The following CARF variants were observed in gnomAD, a reference collection of about 807,000 sequenced individuals.
CARF encodes the protein calcium-responsive transcription factor.
A neutral mutation model predicts 82.0 loss-of-function variants in CARF; 57 were observed. The observed-to-expected ratio is 0.70, with a 90% confidence interval of 0.56 to 0.87. The LOEUF (loss-of-function observed/expected upper bound fraction) is 0.87. Among genes scored for constraint, CARF ranks in the 40% least tolerant of loss-of-function variants. CARF has a pLI of 0.00. For synonymous variants in CARF, 268 were observed against 290.1 expected, an observed-to-expected ratio of 0.92 and a Z score of 0.77; for missense variants, 771 against 855.8, an observed-to-expected ratio of 0.90 and a Z score of 1.24.
intron 7 of CARF, among the ~76,000 whole-genome samples, chr2:202,955,125 T>G (rs778557286): frequency 2.6e-5 from 4 of 152,228 alleles, no homozygotes; most frequent in Non-Finnish European, 5.9e-5. Flanking sequence ...TTGCTAACTT[T>G]TATTTCAGTT....
At chr2:202,966,216 C>T (rs1036921649) in intron 9 of CARF, among the ~76,000 whole-genome samples, 2 of 151,998 alleles carry the variant, frequency 1.3e-5, no homozygotes, top group Non-Finnish European at 2.9e-5. Flanking sequence ...TAAGTCTAGC[C>T]CATATTCAAG....
At chr2:202,944,410 T>C (rs1177995155) in intron 5 of CARF, among the ~76,000 whole-genome samples, 1 of 152,188 alleles carries the variant, frequency 6.6e-6, no homozygotes, top group Non-Finnish European at 1.5e-5. Flanking sequence ...GCATAATAAC[T>C]TTAATTATAA....
chr2:202,947,489 A>T (rs912359944), intron 5 of CARF, among the ~76,000 whole-genome samples: 2 of 151,980 alleles, frequency 1.3e-5, no homozygotes, highest in East Asian at 3.9e-4. Flanking sequence ...GGGTAGGGGG[A>T]AAGAGGATGG....
In CARF at chr2:202,915,514, G is replaced by A. The variant is rs557148856; in HGVS notation, c.-329-2363G>A. ...GAGATGGAGTCTGGCTCTGTCACCA[G>A]GCTGGAGTGCAGTGGTGCAATCTTG... On this transcript the variant is annotated intron_variant, in intron 1 of 16. Transcript: ENST00000438828. Among the ~76,000 whole-genome samples, 7 of 152,182 alleles carry A rather than the reference G, an allele frequency of 4.6e-5. No individual in the cohort carries two copies. The East Asian group carries it at 7.8e-4, about 17-fold the overall frequency.
chr2:202,943,467 G>C (rs1013754040), intron 5 of CARF, among the ~76,000 whole-genome samples: 1 of 152,104 alleles, frequency 6.6e-6, no homozygotes, highest in Non-Finnish European at 1.5e-5. Flanking sequence ...ACTTTAAACA[G>C]TACTTATGAG....
At chr2:202,974,270 CTT>C (rs1185423454) in intron 12 of CARF, 62 bp from the exon 13 acceptor site, 19 of 1,186,698 alleles carry the variant, frequency 1.6e-5, no homozygotes, top group Non-Finnish European at 2.2e-5. Context: ...ACCTTTCTGT[CTT>C]TTGATCTAAA....
chr2:202,966,805 T>C (rs1031037612), intron 9 of CARF, among the ~76,000 whole-genome samples, 173 bp from the exon 10 acceptor site: 1 of 152,224 alleles, frequency 6.6e-6, no homozygotes, highest in African/African-American at 2.4e-5. Context: ...AATTTTAAAA[T>C]AAACTTTTAA....
chr2:202,969,803 C>G (rs1574751315), intron 10 of CARF, 116 bp from the exon 11 acceptor site: 1 of 596,054 alleles, frequency 1.7e-6, no homozygotes, highest in East Asian at 3.5e-5. Context: ...GAATACTTTA[C>G]AGATAAATTG....
At chr2:202,919,785 T>C (rs886595367) in intron 2 of CARF, among the ~76,000 whole-genome samples, 16 of 152,358 alleles carry the variant, frequency 1.1e-4, no homozygotes, top group Middle Eastern at 3.4e-3. Context: ...GTACGGGCTT[T>C]GAAATAAACA....
chr2:202,965,334 G>A (rs2059504568), intron 9 of CARF, among the ~76,000 whole-genome samples: 1 of 152,080 alleles, frequency 6.6e-6, no homozygotes, highest in African/African-American at 2.4e-5. Flanking sequence ...TGTTTGTGGT[G>A]TTCAGATTGA....
At chr2:202,975,222 G>A (rs914871983) in intron 13 of CARF, among the ~76,000 whole-genome samples, 8 of 152,210 alleles carry the variant, frequency 5.3e-5, no homozygotes, top group African/African-American at 1.9e-4. Flanking sequence ...TTGGGAGGCT[G>A]AGATGGGCAG....
At position 202,984,622 on chromosome 2, in the gene CARF, A is replaced by T. The variant is rs2060376204; in HGVS notation, c.*998A>T. 6.6e-6 allele frequency: 1 copy of T among 152,208 alleles called. No individual in the cohort carries two copies. Among genetic ancestry groups the T allele is most frequent in the Non-Finnish European group, 1.5e-5 (1 of 68,034 alleles). 9.4% of individuals were successfully genotyped at this position (152,208 alleles called of 1,614,324 possible). Reference sequence around the variant, plus strand: ...TTAGGATTTCTAGTATTTTAAGGTAAGTATTTATAGTTTAAAATTTAGTTT... The same window carrying T: ...TTAGGATTTCTAGTATTTTAAGGTATGTATTTATAGTTTAAAATTTAGTTT... On this transcript the variant is annotated 3_prime_UTR_variant, in exon 17 of 17. Coordinates refer to ENST00000438828, the MANE Select transcript of CARF (RefSeq NM_024744.17).
chr2:202,917,622 G>A (rs563234236), intron 1 of CARF, among the ~76,000 whole-genome samples: 4 of 152,102 alleles, frequency 2.6e-5, no homozygotes, highest in Non-Finnish European at 4.4e-5. Context: ...GTTATAAAAC[G>A]TGAGAATTTA....
At chr2:202,964,655 A>G (rs1025886266) in intron 9 of CARF, among the ~76,000 whole-genome samples, 1 of 151,958 alleles carries the variant, frequency 6.6e-6, no homozygotes, top group African/African-American at 2.4e-5. Flanking sequence ...AAGTAGAGAT[A>G]ATAATATAAG....
chr2:202,981,543 A>T lies in CARF; in HGVS notation c.1559-12A>T. The T allele has an allele frequency of 6.5e-7, 1 of 1,539,184 alleles. No homozygotes were observed. The highest frequency in any genetic ancestry group is 8.8e-7 in the Non-Finnish European group (1 of 1,133,278). On this transcript the variant is annotated splice_polypyrimidine_tract_variant and intron_variant, in intron 14 of 16. Coordinates refer to ENST00000438828, the MANE Select transcript of CARF (RefSeq NM_024744.17). Reference sequence around the variant, plus strand: ...TAAAAATTATTTTAATAGTTTCTTTAATATAATTTAGGAAATTCACCAGGA... The same window carrying T: ...TAAAAATTATTTTAATAGTTTCTTTTATATAATTTAGGAAATTCACCAGGA...
Position 202,981,582 on chromosome 2 carries a change from C to T in CARF, c.1586C>T (p.Thr529Ile). ...AATTCACCAGGAGAATCAATTACCA[C>T]CAAAGTGGAAACAAATCAGACCAGG... Reference protein sequence around the residue: ...EGNSPGESITTKVETNQTRGS... With the variant: ...EGNSPGESITIKVETNQTRGS... Residue 529 changes from threonine to isoleucine, a missense_variant, in exon 15 of 17, where the codon ACC (threonine) becomes ATC (isoleucine). Physicochemically the swap from Thr to Ile is moderately conservative, Grantham distance 89 (BLOSUM62 -1). Coordinates refer to ENST00000438828, the MANE Select transcript of CARF (RefSeq NM_024744.17). The T allele has an allele frequency of 1.9e-6, 3 of 1,604,508 alleles. No homozygotes were observed. The highest frequency in any genetic ancestry group is 2.6e-6 in the Non-Finnish European group (3 of 1,174,314).
chr2:202,984,915 G>A lies in CARF; in HGVS notation c.*1291G>A, dbSNP rs2060384065. ...TACTAAAAATACAAAAATTAGCTGG[G>A]TGTGGTGGTGGGCACCTGTAATCCC... On this transcript the variant is annotated 3_prime_UTR_variant, in exon 17 of 17. Transcript: ENST00000438828. The A allele has an allele frequency of 6.6e-6, 1 of 152,120 alleles. No homozygotes were observed. The highest frequency in any genetic ancestry group is 2.1e-4 in the South Asian group (1 of 4,816). The allele number at this position is 152,120 out of a possible 1,614,324, so 9.4% of individuals were successfully genotyped here.
At chr2:202,914,853 G>A (rs1266624277) in intron 1 of CARF, among the ~76,000 whole-genome samples, 4 of 151,524 alleles carry the variant, frequency 2.6e-5, no homozygotes, top group East Asian at 3.9e-4. Flanking sequence ...GGGTAGAAAT[G>A]GATTGCAGGG....
intron 5 of CARF, among the ~76,000 whole-genome samples, chr2:202,950,105 A>G (rs2058689488): frequency 6.6e-6 from 1 of 152,222 alleles, no homozygotes; most frequent in Non-Finnish European, 1.5e-5. Flanking sequence ...ATTTTAGGTA[A>G]TTAGCTGGGT....
Sources: gnomAD v4.1 joint callset for allele counts (sites outside exome capture counted in the v4.1 genomes callset) on GRCh38, gnomAD v4.1.1 for gene constraint, MANE v1.5 for transcripts, NCBI Gene and HGNC (gene_info 2026-07-23, HGNC 2026-07-21) for gene names.